The following ZGRF1 variants were observed in gnomAD, a reference collection of about 807,000 sequenced individuals.
ZGRF1 encodes zinc finger GRF-type containing 1.
In ZGRF1, 196 loss-of-function variants were observed where a neutral mutation model predicts 203.5. The ratio of observed to expected loss-of-function variants is 0.96; its 90% CI spans 0.86 to 1.08. The LOEUF is 1.08. Among genes scored for constraint, ZGRF1 ranks in the 50% least tolerant of loss-of-function variants. ZGRF1 has a pLI of 0.00. For synonymous variants in ZGRF1, 809 were observed against 841.3 expected, an observed-to-expected ratio of 0.96 and a Z score of 0.66; for missense variants, 2,326 against 2,416.3, an observed-to-expected ratio of 0.96 and a Z score of 0.78.
chr4:112,635,291 A>G (rs1318464213), intron 1 of ZGRF1, among the ~76,000 whole-genome samples: 4 of 152,164 alleles, frequency 2.6e-5, no homozygotes, highest in Admixed American at 6.5e-5. Flanking sequence ...AATACATGGT[A>G]CAGACACAGT....
chr4:112,559,135 G>A (rs2148883967), intron 19 of ZGRF1, among the ~76,000 whole-genome samples: 1 of 152,290 alleles, frequency 6.6e-6, no homozygotes, highest in South Asian at 2.1e-4. Flanking sequence ...GCTAAACAAA[G>A]TTTGAATTTT....
rs756946699 is a variant in ZGRF1 at position 112,618,928 on chromosome 4, T to A, written c.1114A>T (p.Ile372Leu). The change falls in exon 6 of 28, where the codon ATA (isoleucine) becomes TTA (leucine). Residue 372 changes from isoleucine to leucine, a missense_variant. Physicochemically the swap from Ile to Leu is conservative, Grantham distance 5. Transcript: ENST00000505019. ...NLKDLSLQKI[I>L]QFVETYAEER... ...TCAGCATACGTTTCAACGAACTGTA[T>A]AATTTTTTGTAATGAAAGGTCTTTC... 6.2e-7 allele frequency: 1 copy of A among 1,613,960 alleles called. No homozygotes were observed. The highest frequency in any genetic ancestry group is 2.2e-5 in the East Asian group (1 of 44,858).
chr4:112,587,340 C>T lies in ZGRF1; in HGVS notation c.3717G>A (p.Glu1239=). ...ACCCTCCTAATACATTTTTAATTTC[C>T]TCTGTCTTAGAAGTCTGCTTTAAAT... ...SLNLKQTSKT[E]EIKNVLGGST... Residue 1239 remains glutamate, a synonymous_variant, in exon 12 of 28, where the codon GAG becomes GAA. Transcript: ENST00000505019. 1.9e-6 allele frequency: 3 copies of T among 1,613,516 alleles called. No homozygotes were observed. The highest frequency in any genetic ancestry group is 1.1e-5 in the South Asian group (1 of 91,046).
At chr4:112,545,135 G>A (rs1455275690) in intron 24 of ZGRF1, among the ~76,000 whole-genome samples, 1 of 151,528 alleles carries the variant, frequency 6.6e-6, no homozygotes, top group Admixed American at 6.6e-5. Flanking sequence ...TAAAAAATAG[G>A]TAAACTGAAC....
chr4:112,628,700 G>A (rs866178949), intron 3 of ZGRF1: 1 of 455,568 alleles, frequency 2.2e-6, no homozygotes, highest in African/African-American at 2.0e-5. Context: ...TATATAATGG[G>A]CACTCAACAA....
chr4:112,579,942 C>T lies in ZGRF1; in HGVS notation c.4438+1721G>A, dbSNP rs558161539. ...AACTACTTTGAAGTTCACATGGAAC[C>T]AAAAAAGAGCCCACATTGCTAAGTC... On this transcript the variant is annotated intron_variant, in intron 16 of 27. Coordinates refer to ENST00000505019, the MANE Select transcript of ZGRF1 (RefSeq NM_018392.5). Among the ~76,000 whole-genome samples, 2 of 122,234 alleles carry T rather than the reference C, an allele frequency of 1.6e-5. 1 individual carries two copies. The highest frequency in any genetic ancestry group is 5.7e-5 in the African/African-American group (2 of 35,204). 80.2% of individuals were successfully genotyped at this position (122,234 alleles called of 152,430 possible).
rs746579280 is a variant in ZGRF1, at chr4:112,620,147, G to A, written c.206C>T (p.Thr69Ile). The A allele has an allele frequency of 1.2e-5, 20 of 1,610,150 alleles. No individual in the cohort carries two copies. In the African/African-American group the frequency reaches 2.5e-4, roughly 20 times the overall value. ...DDLESDRYLI[T>I]VEEVKVAGAI... ...TCCAGCAACTTTAACCTCTTCAACT[G>A]TGATTAAGTATCGATCACTTTCTAA... The change falls in exon 5 of 28, where the codon ACA becomes ATA. Residue 69 changes from threonine to isoleucine, a missense_variant. Transcript: ENST00000505019.
At chr4:112,564,152 G>C (rs1446276684) in intron 16 of ZGRF1, among the ~76,000 whole-genome samples, 1 of 152,214 alleles carries the variant, frequency 6.6e-6, no homozygotes, top group Non-Finnish European at 1.5e-5. Flanking sequence ...CCAAAGATCA[G>C]ATCAGTAAGG....
intron 14 of ZGRF1, among the ~76,000 whole-genome samples, 178 bp from the exon 15 acceptor site, chr4:112,584,352 A>T (rs181918517): frequency 2.0e-5 from 3 of 152,264 alleles, no homozygotes; most frequent in African/African-American, 7.2e-5. Context: ...CTACTTTTCC[A>T]TTTACTTTCT....
intron 4 of ZGRF1, among the ~76,000 whole-genome samples, chr4:112,620,569 A>T (rs1430980437): frequency 6.6e-6 from 1 of 152,132 alleles, no homozygotes; most frequent in Non-Finnish European, 1.5e-5. Context: ...TTTATTTTAA[A>T]TTAGCCTGGG....
At chr4:112,590,924 CAAA>C (rs550984359) in intron 10 of ZGRF1, among the ~76,000 whole-genome samples, 4 of 64,604 alleles carry the variant, frequency 6.2e-5, no homozygotes, top group Non-Finnish European at 3.3e-5. Context: ...GACTCCTTCT[CAAA>C]AAAAAAAAAA....
chr4:112,598,118 T>C (rs1749342036), intron 10 of ZGRF1, among the ~76,000 whole-genome samples: 1 of 152,106 alleles, frequency 6.6e-6, no homozygotes, highest in Admixed American at 6.5e-5. Flanking sequence ...AAGCAACTCA[T>C]GCTAGGAAGG....
intron 16 of ZGRF1, among the ~76,000 whole-genome samples, chr4:112,571,897 G>A (rs986921071): frequency 2.6e-5 from 4 of 152,168 alleles, no homozygotes; most frequent in Non-Finnish European, 5.9e-5. Flanking sequence ...TGGTAATTAA[G>A]GCAGTGTGGA....
At chr4:112,573,348 G>A (rs2148951793) in intron 16 of ZGRF1, among the ~76,000 whole-genome samples, 1 of 152,206 alleles carries the variant, frequency 6.6e-6, no homozygotes, top group Admixed American at 6.5e-5. Context: ...TGGGAGCTAA[G>A]TTATGAGGGT....
In ZGRF1 at chr4:112,560,591, AC is replaced by A. The variant is rs951417800; in HGVS notation, c.4960+141del. On this transcript the variant is annotated intron_variant, in intron 19 of 27. Transcript: ENST00000505019. Reference sequence around the variant, plus strand: ...CAGTTCTGTTCTCATCTAACAGTTTACCAAAGTGGGTACAGGTTTAAAAAGT... The same window carrying A: ...CAGTTCTGTTCTCATCTAACAGTTTACAAAGTGGGTACAGGTTTAAAAAGT... The A allele has an allele frequency of 1.2e-5, 8 of 670,172 alleles. No homozygotes were observed. In the African/African-American group the frequency reaches 1.4e-4, roughly 12 times the overall value. The allele number at this position is 670,172 out of a possible 1,614,324, so 41.5% of individuals were successfully genotyped here. A position where few individuals can be genotyped will look rare whatever the true frequency, so the allele number is the denominator to read the frequency against.
At chr4:112,608,721 T>C (rs1751134447) in intron 8 of ZGRF1, among the ~76,000 whole-genome samples, 2 of 152,244 alleles carry the variant, frequency 1.3e-5, no homozygotes, top group Non-Finnish European at 2.9e-5. Context: ...CAATTGTTTA[T>C]AATTTTATAT....
At chr4:112,544,601 T>G (rs968506238) in intron 24 of ZGRF1, among the ~76,000 whole-genome samples, 1 of 152,136 alleles carries the variant, frequency 6.6e-6, no homozygotes, top group Non-Finnish European at 1.5e-5. Context: ...CCACCATAAT[T>G]CCAGGTACGG....
intron 10 of ZGRF1, among the ~76,000 whole-genome samples, chr4:112,592,160 T>C (rs912228710): frequency 6.7e-6 from 1 of 150,110 alleles, no homozygotes; most frequent in Non-Finnish European, 1.5e-5. Context: ...TGCAGTGGCG[T>C]GATCTCAGCT....
Position 112,577,930 on chromosome 4 carries a change from C to G in ZGRF1, c.4438+3733G>C, listed in dbSNP as rs1454093733. On this transcript the variant is annotated intron_variant, in intron 16 of 27. Coordinates refer to ENST00000505019, the MANE Select transcript of ZGRF1 (RefSeq NM_018392.5). ...GAACTCAGCTCTGCACAAAGCGGAC[C>G]TAATAGATATCTACACAACTCTCCA... Among the ~76,000 whole-genome samples the G allele has an allele frequency of 6.6e-5, 8 of 120,616 alleles. 2 individuals are homozygous for G. The highest frequency in any genetic ancestry group is 2.3e-4 in the African/African-American group (8 of 34,644). The allele number at this position is 120,616 out of a possible 152,430, so 79.1% of individuals were successfully genotyped here. A position where few individuals can be genotyped will look rare whatever the true frequency, so the allele number is the denominator to read the frequency against.
Sources: allele counts gnomAD v4.1 joint callset (sites outside exome capture counted in the v4.1 genomes callset), GRCh38; gene constraint gnomAD v4.1.1; transcripts MANE v1.5; gene names NCBI Gene and HGNC (gene_info 2026-07-23, HGNC 2026-07-21).